Variants in PAM observed in about 807,000 individuals in gnomAD.
The protein encoded by PAM is peptidyl-glycine alpha-amidating monooxygenase.
Under a neutral mutation model 122.1 loss-of-function variants are expected in PAM, and 72 were observed. The ratio of observed to expected loss-of-function variants is 0.59; its 90% CI spans 0.49 to 0.72. The LOEUF is 0.72. PAM is among the 30% of genes least tolerant of loss of function. PAM has a pLI of 0.00. For missense variants in PAM, 1,106 were observed against 1,183.7 expected (o/e 0.93, Z 0.96); for synonymous variants, 389 against 404.4 (o/e 0.96, Z 0.46).
At chr5:102,899,883 A>G (rs1247047991) in intron 3 of PAM, among the ~76,000 whole-genome samples, 3 of 151,644 alleles carry the variant, frequency 2.0e-5, no homozygotes, top group Admixed American at 6.6e-5. Context: ...TGGCTGGGCC[A>G]TCTGGGTTTG....
chr5:102,869,146 C>T (rs1421064148), intron 3 of PAM, among the ~76,000 whole-genome samples: 1 of 152,224 alleles, frequency 6.6e-6, no homozygotes, highest in African/African-American at 2.4e-5. Context: ...TACCCAGACT[C>T]CAGAGATGGA....
At chr5:102,765,424 G>A (rs1753613841) in intron 1 of PAM, among the ~76,000 whole-genome samples, 2 of 152,170 alleles carry the variant, frequency 1.3e-5, no homozygotes, top group South Asian at 4.1e-4. Flanking sequence ...TATTTTAGGT[G>A]GGTGTAGTCC....
intron 17 of PAM, among the ~76,000 whole-genome samples, chr5:103,004,759 A>T (rs1310337515): frequency 1.3e-5 from 2 of 152,170 alleles, no homozygotes. Flanking sequence ...TTTCCTTGCA[A>T]CATGTTTTAA....
In PAM at chr5:102,947,293, CA is replaced by C. The variant is rs1287494331; in HGVS notation, c.575+415del. On this transcript the variant is annotated intron_variant, in intron 8 of 25. Transcript: ENST00000438793. The stretch of plus-strand genomic sequence containing the variant: ...CCTGGCCTCCATCATAGAAAGTAAG[CA>C]AAAAAAGGAAGAGAGGGCATGCATG... 2.0e-5 allele frequency among the ~76,000 whole-genome samples: 3 copies of C among 151,672 alleles called. No homozygotes were observed. In the East Asian group the frequency reaches 5.8e-4, roughly 29 times the overall value.
At chr5:102,785,590 A>G (rs1056013677) in intron 1 of PAM, among the ~76,000 whole-genome samples, 6 of 152,162 alleles carry the variant, frequency 3.9e-5, no homozygotes, top group African/African-American at 1.4e-4. Context: ...ATGGTGAAAT[A>G]TGGTGACTGA....
chr5:102,837,206 G>A (rs1168507900), intron 1 of PAM, among the ~76,000 whole-genome samples: 1 of 152,086 alleles, frequency 6.6e-6, no homozygotes, highest in Non-Finnish European at 1.5e-5. Flanking sequence ...TATTTCAGAG[G>A]CTTTCCTGAG....
chr5:102,910,074 T>A (rs1043127841), intron 4 of PAM, among the ~76,000 whole-genome samples: 1 of 151,914 alleles, frequency 6.6e-6, no homozygotes, highest in African/African-American at 2.4e-5. Flanking sequence ...TTCTTCAGAA[T>A]CTTTCTATGT....
intron 6 of PAM, among the ~76,000 whole-genome samples, chr5:102,925,779 TAA>T (rs202164063): frequency 1.9e-4 from 27 of 143,342 alleles, no homozygotes; most frequent in African/African-American, 6.8e-4. Flanking sequence ...GAGATTTGTT[TAA>T]AAAAAAAAAA....
intron 1 of PAM, among the ~76,000 whole-genome samples, chr5:102,785,416 G>T (rs182291659): frequency 1.3e-5 from 2 of 152,310 alleles, no homozygotes; most frequent in East Asian, 3.9e-4. Context: ...GTAGATACGT[G>T]GGAGACTGAA....
At chr5:102,998,950 A>G (rs1309107058) in intron 16 of PAM, among the ~76,000 whole-genome samples, 2 of 152,240 alleles carry the variant, frequency 1.3e-5, no homozygotes, top group Non-Finnish European at 2.9e-5. Flanking sequence ...AAAGAGGTTT[A>G]ATTGACTCAG....
At chr5:102,915,245 C>G (rs1802747737) in intron 5 of PAM, among the ~76,000 whole-genome samples, 1 of 152,086 alleles carries the variant, frequency 6.6e-6, no homozygotes. Context: ...CTCTGTGCAT[C>G]CTAACATTCA....
chr5:102,779,918 T>TATACAC lies in PAM; in HGVS notation c.-374+24571_-374+24572insTACACA, dbSNP rs147065045. On this transcript the variant is annotated intron_variant, in intron 1 of 25. Coordinates refer to ENST00000438793, the MANE Select transcript of PAM (RefSeq NM_001177306.2). ...ATATATATATATATATATATATATA[T>TATACAC]ACACACATATATATATGTATATATC... Among the ~76,000 whole-genome samples, 291 of 95,624 alleles carry TATACAC rather than the reference T, an allele frequency of 3.0e-3. 1 individual carries two copies. The highest frequency in any genetic ancestry group is 0.013 in the African/African-American group (284 of 22,042). 62.7% of individuals were successfully genotyped at this position (95,624 alleles called of 152,430 possible).
chr5:102,943,456 A>G (rs1050072878), intron 7 of PAM, among the ~76,000 whole-genome samples: 1 of 152,154 alleles, frequency 6.6e-6, no homozygotes, highest in African/African-American at 2.4e-5. Flanking sequence ...TTAATTAAGT[A>G]CCACTGGTTA....
chr5:102,861,185 CT>C (rs1441952143), intron 1 of PAM, among the ~76,000 whole-genome samples: 2 of 152,186 alleles, frequency 1.3e-5, no homozygotes, highest in African/African-American at 2.4e-5. Flanking sequence ...CTTCAGATGA[CT>C]GCAGTTCTGG....
At chr5:102,933,983 G>A (rs1752435175) in intron 7 of PAM, among the ~76,000 whole-genome samples, 1 of 152,146 alleles carries the variant, frequency 6.6e-6, no homozygotes. Flanking sequence ...CTCTCAATCT[G>A]CACAAGTAGC....
intron 1 of PAM, among the ~76,000 whole-genome samples, chr5:102,774,538 A>T (rs970885707): frequency 6.6e-6 from 1 of 152,136 alleles, no homozygotes; most frequent in African/African-American, 2.4e-5. Flanking sequence ...GAAAGCAGAC[A>T]TACAACAGTA....
chr5:102,806,482 C>A (rs1253005155), intron 1 of PAM, among the ~76,000 whole-genome samples: 1 of 152,140 alleles, frequency 6.6e-6, no homozygotes, highest in Non-Finnish European at 1.5e-5. Context: ...ACACTTCTGG[C>A]CAAATGTCCT....
chr5:102,905,808 C>A (rs1162520338), intron 4 of PAM, among the ~76,000 whole-genome samples: 2 of 151,804 alleles, frequency 1.3e-5, no homozygotes, highest in African/African-American at 4.8e-5. Context: ...CTGTCTTCAA[C>A]TAGGACTTCT....
intron 3 of PAM, among the ~76,000 whole-genome samples, chr5:102,878,683 T>G (rs1789972421): frequency 6.6e-6 from 1 of 151,984 alleles, no homozygotes; most frequent in South Asian, 2.1e-4. Flanking sequence ...TGTGCAGGCC[T>G]AGGCTAAAGT....
Sources: gnomAD v4.1 joint callset for allele counts (sites outside exome capture counted in the v4.1 genomes callset) on GRCh38, gnomAD v4.1.1 for gene constraint, MANE v1.5 for transcripts, NCBI Gene and HGNC (gene_info 2026-07-23, HGNC 2026-07-21) for gene names.